Variants in MDGA2 observed in about 807,000 individuals in gnomAD.
MDGA2 encodes the protein MAM domain containing glycosylphosphatidylinositol anchor 2, also known as MAM domain-containing glycosylphosphatidylinositol anchor protein 2.
MDGA2 carries 40 observed loss-of-function variants against 117.8 expected under a neutral mutation model. That is an observed-to-expected ratio of 0.34 (90% CI 0.26 to 0.44). The LOEUF (loss-of-function observed/expected upper bound fraction) is 0.44. Ranked by LOEUF, MDGA2 falls within the 20% of genes least tolerant of loss-of-function variation. The probability of loss-of-function intolerance (pLI) is 1.00; values close to 1 mark genes in which losing one functional copy is unlikely to be tolerated. For missense variants in MDGA2, 1,123 were observed against 1,250.6 expected, an observed-to-expected ratio of 0.90 and a Z score of 1.54; for synonymous variants, 452 against 439.0, an observed-to-expected ratio of 1.03 and a Z score of -0.37.
rs965950172 is a variant in MDGA2, at chr14:47,184,132, G to A, written c.595+33889C>T. Among the ~76,000 whole-genome samples the A allele has an allele frequency of 6.6e-5, 10 of 151,914 alleles. No homozygotes were observed. The East Asian group carries it at 1.5e-3, about 23-fold the overall frequency. ...TGTATATGTGTGTATGTATGAATGT[G>A]GAACAAAAACATTTATTTTCTTAAG... is the stretch of plus-strand genomic sequence containing the variant. On this transcript the variant is annotated intron_variant, in intron 3 of 16. Transcript: ENST00000399232.
chr14:47,080,583 C>G (rs1890673224), intron 6 of MDGA2, among the ~76,000 whole-genome samples: 1 of 152,182 alleles, frequency 6.6e-6, no homozygotes, highest in African/African-American at 2.4e-5. Flanking sequence ...TTACTATCCT[C>G]AAAACCATAC....
intron 1 of MDGA2, among the ~76,000 whole-genome samples, chr14:47,475,881 G>A (rs1032482994): frequency 1.6e-4 from 25 of 152,078 alleles, no homozygotes; most frequent in Non-Finnish European, 5.9e-5. Context: ...TAATACCTAG[G>A]TGATGGGTTG....
intron 2 of MDGA2, among the ~76,000 whole-genome samples, chr14:47,232,069 C>T (rs1188747958): frequency 6.6e-6 from 1 of 152,052 alleles, no homozygotes; most frequent in East Asian, 1.9e-4. Context: ...AGAAAGTCTT[C>T]TTTCAATTCA....
At chr14:47,276,323 A>G (rs1888310916) in intron 2 of MDGA2, among the ~76,000 whole-genome samples, 1 of 152,140 alleles carries the variant, frequency 6.6e-6, no homozygotes. Flanking sequence ...ACATGCTACT[A>G]TTTAGCCGTA....
chr14:47,174,391 G>C (rs144910908), intron 3 of MDGA2, among the ~76,000 whole-genome samples: 40 of 152,144 alleles, frequency 2.6e-4, no homozygotes, highest in South Asian at 2.5e-3. Context: ...TGACCACATA[G>C]TTGGAAGTAA....
chr14:47,025,875 T>A (rs1432205672), intron 8 of MDGA2, among the ~76,000 whole-genome samples: 1 of 152,132 alleles, frequency 6.6e-6, no homozygotes, highest in Non-Finnish European at 1.5e-5. Flanking sequence ...TTTTCAAAGA[T>A]CTGCAGGGAA....
chr14:47,311,638 C>A (rs1041101444), intron 1 of MDGA2, among the ~76,000 whole-genome samples: 2 of 152,092 alleles, frequency 1.3e-5, no homozygotes, highest in African/African-American at 2.4e-5. Flanking sequence ...GGGGCAATAC[C>A]CTCATGGACT....
chr14:46,969,119 T>C (rs113234605), intron 8 of MDGA2, among the ~76,000 whole-genome samples: 17,958 of 152,182 alleles, frequency 0.12, 2,021 homozygotes, highest in African/African-American at 0.27. Flanking sequence ...ATGGTGTATA[T>C]GTGCCACATT....
intron 1 of MDGA2, among the ~76,000 whole-genome samples, chr14:47,658,006 C>T (rs1350385964): frequency 6.6e-6 from 1 of 152,124 alleles, no homozygotes; most frequent in African/African-American, 2.4e-5. Flanking sequence ...GGTACCTGTG[C>T]TTCCTGTCCC....
At chr14:46,932,288 A>G (rs1179852897) in intron 9 of MDGA2, among the ~76,000 whole-genome samples, 1 of 152,066 alleles carries the variant, frequency 6.6e-6, no homozygotes, top group Non-Finnish European at 1.5e-5. Flanking sequence ...GACTTGTATG[A>G]AAACTTGTAA....
At chr14:47,225,583 G>A (rs1463102409) in intron 2 of MDGA2, among the ~76,000 whole-genome samples, 1 of 150,000 alleles carries the variant, frequency 6.7e-6, no homozygotes, top group Admixed American at 6.7e-5. Flanking sequence ...AACACCGCAT[G>A]TTCTCACTCA....
chr14:47,412,776 T>C (rs542520505), intron 1 of MDGA2, among the ~76,000 whole-genome samples: 141 of 152,334 alleles, frequency 9.3e-4, no homozygotes, highest in Admixed American at 3.9e-3. Flanking sequence ...TTTCAGATGC[T>C]ATTGAGGTAC....
intron 1 of MDGA2, among the ~76,000 whole-genome samples, chr14:47,463,287 G>GAA (rs1893530306): frequency 6.6e-6 from 1 of 152,070 alleles, no homozygotes; most frequent in Admixed American, 6.6e-5. Flanking sequence ...GAAATCATAT[G>GAA]AATGCTTGCA....
chr14:47,412,020 C>T (rs1273195067), intron 1 of MDGA2, among the ~76,000 whole-genome samples: 5 of 152,160 alleles, frequency 3.3e-5, no homozygotes, highest in Non-Finnish European at 5.9e-5. Context: ...TAAAGTCTCA[C>T]AGTCAGTAAC....
intron 6 of MDGA2, among the ~76,000 whole-genome samples, chr14:47,067,358 T>C (rs1025155658): frequency 2.0e-5 from 3 of 152,136 alleles, no homozygotes; most frequent in African/African-American, 7.2e-5. Flanking sequence ...AAGAGAATCA[T>C]TGAAAAGACT....
At chr14:47,521,616 T>C (rs1053235020) in intron 1 of MDGA2, among the ~76,000 whole-genome samples, 18 of 152,174 alleles carry the variant, frequency 1.2e-4, no homozygotes, top group African/African-American at 4.3e-4. Flanking sequence ...TGACCACTCT[T>C]CAAAATATCT....
At chr14:47,465,218 TCA>T (rs1243642379) in intron 1 of MDGA2, among the ~76,000 whole-genome samples, 2 of 151,938 alleles carry the variant, frequency 1.3e-5, no homozygotes, top group Non-Finnish European at 2.9e-5. Context: ...AACCCTAAAC[TCA>T]CAAAAACCCT....
chr14:47,006,793 G>A (rs138038398), intron 8 of MDGA2, among the ~76,000 whole-genome samples: 1 of 151,602 alleles, frequency 6.6e-6, no homozygotes, highest in East Asian at 1.9e-4. Flanking sequence ...GATGCAAACT[G>A]ATCTTTAAAC....
intron 14 of MDGA2, among the ~76,000 whole-genome samples, chr14:46,859,707 A>G (rs1881428032): frequency 1.3e-5 from 2 of 152,138 alleles, no homozygotes; most frequent in South Asian, 4.1e-4. Flanking sequence ...ATGCTTGTTT[A>G]GGGCAACAGG....
Sources: allele counts gnomAD v4.1 joint callset (sites outside exome capture counted in the v4.1 genomes callset), GRCh38; gene constraint gnomAD v4.1.1; transcripts MANE v1.5; gene names NCBI Gene and HGNC (gene_info 2026-07-23, HGNC 2026-07-21).